The following ATXN1 variants were observed in gnomAD, a reference collection of about 807,000 sequenced individuals.
The protein encoded by ATXN1 is ataxin 1, also known as ataxin-1.
ATXN1 carries 8 observed loss-of-function variants against 56.4 expected under a neutral mutation model. The ratio of observed to expected loss-of-function variants is 0.14; its 90% CI spans 0.08 to 0.26. ATXN1 has a LOEUF of 0.26. Ranked by LOEUF, ATXN1 falls within the 10% of genes least tolerant of loss-of-function variation. The probability of loss-of-function intolerance (pLI) is 1.00; values close to 1 mark genes in which losing one functional copy is unlikely to be tolerated. For synonymous variants in ATXN1, 514 were observed against 494.6 expected (o/e 1.04, Z -0.52); for missense variants, 987 against 1,106.5 (o/e 0.89, Z 1.53).
chr6:16,603,100 C>T (rs1762941581), intron 3 of ATXN1, among the ~76,000 whole-genome samples: 1 of 152,162 alleles, frequency 6.6e-6, no homozygotes, highest in Non-Finnish European at 1.5e-5. Context: ...ATTGACCCAG[C>T]CACCTCTGCT....
intron 6 of ATXN1, among the ~76,000 whole-genome samples, chr6:16,445,540 T>C (rs574617303): frequency 4.6e-5 from 7 of 152,170 alleles, no homozygotes; most frequent in South Asian, 4.2e-4. Context: ...ATTATTATTA[T>C]ACTTTAAGTT....
At chr6:16,314,590 G>T (rs972535826) in intron 7 of ATXN1, among the ~76,000 whole-genome samples, 4 of 152,040 alleles carry the variant, frequency 2.6e-5, no homozygotes, top group African/African-American at 9.7e-5. Flanking sequence ...TCTCTATGAT[G>T]CTGATAGCTT....
intron 6 of ATXN1, among the ~76,000 whole-genome samples, chr6:16,369,851 G>A (rs1029831477): frequency 3.9e-5 from 6 of 152,110 alleles, no homozygotes; most frequent in Admixed American, 2.0e-4. Context: ...AAATGCTAAC[G>A]GAAGCCAAGA....
intron 2 of ATXN1, among the ~76,000 whole-genome samples, chr6:16,708,763 T>C (rs1759461506): frequency 1.3e-5 from 2 of 152,164 alleles, no homozygotes; most frequent in African/African-American, 2.4e-5. Context: ...CGGTGTCTCA[T>C]GCCTATAATC....
chr6:16,716,480 A>G (rs1273687774), intron 2 of ATXN1, among the ~76,000 whole-genome samples: 1 of 152,206 alleles, frequency 6.6e-6, no homozygotes, highest in African/African-American at 2.4e-5. Context: ...TTTCCTATGA[A>G]CCAGCTGTGT....
rs138101962 is a variant in ATXN1 at position 16,328,260 on chromosome 6, G to A, written c.51C>T (p.Arg17=). The stretch of plus-strand genomic sequence containing the variant: ...AGGACCGGCTGGTGGCGGGGATCTC[G>A]CGCTTCTTGGGAGGCAGGCATTCGT... ...RSNECLPPKK[R]EIPATSRSSE... is the part of the protein sequence containing the mutation. Residue 17 remains arginine (R), a synonymous_variant, in exon 7 of 8, where the codon CGC becomes CGT. Transcript: ENST00000436367. This position sits in a 1 kb window ranked among gnomAD's most constrained non-coding sequence, Gnocchi z 6.2. The A allele has an allele frequency of 6.2e-4, 955 of 1,534,450 alleles. 1 individual carries two copies. The highest frequency in any genetic ancestry group is 7.5e-4 in the Non-Finnish European group (857 of 1,144,756).
At chr6:16,657,053 G>A (rs371840291) in intron 3 of ATXN1, among the ~76,000 whole-genome samples, 5 of 144,384 alleles carry the variant, frequency 3.5e-5, no homozygotes, top group East Asian at 4.0e-4. Flanking sequence ...GTGCAATCTC[G>A]GCTCACTGCA....
chr6:16,523,864 AACAG>A (rs1396113978), intron 4 of ATXN1, among the ~76,000 whole-genome samples: 2 of 151,942 alleles, frequency 1.3e-5, no homozygotes, highest in African/African-American at 4.8e-5. Flanking sequence ...GAGCGACGGC[AACAG>A]ACTATTTAAT....
chr6:16,512,539 T>C (rs536165280), intron 5 of ATXN1, among the ~76,000 whole-genome samples: 14 of 152,342 alleles, frequency 9.2e-5, no homozygotes, highest in Admixed American at 2.6e-4. Context: ...GTTCTAAGCA[T>C]TTATAAAAGG....
At chr6:16,600,080 T>G (rs1266128546) in intron 3 of ATXN1, among the ~76,000 whole-genome samples, 1 of 152,224 alleles carries the variant, frequency 6.6e-6, no homozygotes, top group Non-Finnish European at 1.5e-5. Flanking sequence ...TGTTTTTTAT[T>G]TAATAATTAA....
In ATXN1 at chr6:16,378,537, CTTTATTTATTTA is replaced by C. The variant is rs71535078; in HGVS notation, c.-160-50079_-160-50068del. Among the ~76,000 whole-genome samples the C allele has an allele frequency of 4.1e-3, 607 of 146,780 alleles. 4 individuals carry two copies. The highest frequency in any genetic ancestry group is 0.015 in the African/African-American group (581 of 39,392). On this transcript the variant is annotated intron_variant, in intron 6 of 7. Transcript: ENST00000436367. The stretch of plus-strand genomic sequence containing the variant: ...TTACACCACTGGGCCCCTCTCTTGA[CTTTATTTATTTA>C]TTTATTTATTTATTTATTTATTTAT...
intron 6 of ATXN1, among the ~76,000 whole-genome samples, chr6:16,459,559 C>T (rs1426410800): frequency 6.6e-6 from 1 of 152,114 alleles, no homozygotes; most frequent in Non-Finnish European, 1.5e-5. Context: ...ACCCCTATAC[C>T]CTGCTCTCTC....
chr6:16,600,756 C>T (rs1457248959), intron 3 of ATXN1, among the ~76,000 whole-genome samples: 1 of 152,160 alleles, frequency 6.6e-6, no homozygotes, highest in Admixed American at 6.5e-5. Flanking sequence ...AAAGAAACAG[C>T]CTCAAAATAC....
chr6:16,402,242 G>GTTTTTT (rs58048762), intron 6 of ATXN1, among the ~76,000 whole-genome samples: 3 of 62,120 alleles, frequency 4.8e-5, no homozygotes, highest in African/African-American at 6.7e-5. Context: ...ACCACTGACA[G>GTTTTTT]TTTTTTTTTT....
chr6:16,504,715 C>A (rs1000257558), intron 5 of ATXN1, among the ~76,000 whole-genome samples: 18 of 152,174 alleles, frequency 1.2e-4, no homozygotes, highest in African/African-American at 4.3e-4. Context: ...CTGACGTGAA[C>A]TGCTCCCCAC....
chr6:16,537,671 A>G (rs761059291), intron 4 of ATXN1, among the ~76,000 whole-genome samples: 17 of 151,588 alleles, frequency 1.1e-4, no homozygotes, highest in Non-Finnish European at 2.5e-4. Context: ...GCACCACTGC[A>G]CTCCAGTCTG....
chr6:16,574,987 G>C (rs1762397300), intron 4 of ATXN1, among the ~76,000 whole-genome samples: 1 of 144,358 alleles, frequency 6.9e-6, no homozygotes, highest in Admixed American at 6.6e-5. Flanking sequence ...CCTTCCATTT[G>C]AGTTTGCTAT....
At chr6:16,554,355 G>A (rs186046697) in intron 4 of ATXN1, among the ~76,000 whole-genome samples, 10 of 152,322 alleles carry the variant, frequency 6.6e-5, no homozygotes, top group African/African-American at 2.2e-4. Flanking sequence ...TCATTACCCT[G>A]GGCCAGAGCT....
At chr6:16,759,541 T>G (rs978568413) in intron 1 of ATXN1, among the ~76,000 whole-genome samples, 2 of 145,508 alleles carry the variant, frequency 1.4e-5, no homozygotes, top group African/African-American at 2.5e-5. Flanking sequence ...TTTTTTTTTT[T>G]TTTTTTTTTT....
Sources: gnomAD v4.1 joint callset for allele counts (sites outside exome capture counted in the v4.1 genomes callset) on GRCh38, gnomAD v4.1.1 for gene constraint, Gnocchi (gnomAD v3.1) non-coding constraint, MANE v1.5 for transcripts, NCBI Gene and HGNC (gene_info 2026-07-23, HGNC 2026-07-21) for gene names.